The following FER1L6 variants were observed in gnomAD, a reference collection of about 807,000 sequenced individuals.
The protein encoded by FER1L6 is fer-1-like protein 6.
In FER1L6, 177 loss-of-function variants were observed where a neutral mutation model predicts 219.2. That is an observed-to-expected ratio of 0.81 (90% CI 0.71 to 0.91). FER1L6 has a LOEUF of 0.91. Ranked by LOEUF, FER1L6 falls within the 40% of genes least tolerant of loss-of-function variation. The pLI is 0.00. For missense variants in FER1L6, 2,153 were observed against 2,259.9 expected, an observed-to-expected ratio of 0.95 and a Z score of 0.96; for synonymous variants, 768 against 824.3, an observed-to-expected ratio of 0.93 and a Z score of 1.17.
intron 1 of FER1L6, among the ~76,000 whole-genome samples, chr8:123,870,323 G>A (rs570049930): frequency 1.3e-4 from 20 of 152,234 alleles, no homozygotes; most frequent in African/African-American, 3.9e-4. Flanking sequence ...TTTGAAAACC[G>A]ATGTCCACAG....
intron 18 of FER1L6, among the ~76,000 whole-genome samples, chr8:124,030,331 C>A (rs1363831414): frequency 6.6e-6 from 1 of 152,090 alleles, no homozygotes; most frequent in Admixed American, 6.6e-5. Context: ...GTTTTGCGGT[C>A]CCGGGTTGCA....
chr8:123,859,645 C>T (rs1163529181), intron 1 of FER1L6, among the ~76,000 whole-genome samples: 1 of 145,752 alleles, frequency 6.9e-6, no homozygotes, highest in African/African-American at 2.6e-5. Context: ...TGGTGCGCTG[C>T]ACCCACTAAC....
chr8:123,983,784 G>T (rs1308543374), intron 11 of FER1L6, among the ~76,000 whole-genome samples: 1 of 152,156 alleles, frequency 6.6e-6, no homozygotes, highest in Non-Finnish European at 1.5e-5. Flanking sequence ...ATGCAAATAT[G>T]CTCAGAACAG....
intron 1 of FER1L6, among the ~76,000 whole-genome samples, chr8:123,907,914 C>T (rs1389300182): frequency 6.6e-6 from 1 of 151,850 alleles, no homozygotes; most frequent in East Asian, 2.0e-4. Flanking sequence ...ACATTCACAA[C>T]AAATATGGTA....
intron 20 of FER1L6, among the ~76,000 whole-genome samples, chr8:124,044,469 T>C (rs1819635800): frequency 6.6e-6 from 1 of 152,140 alleles, no homozygotes; most frequent in African/African-American, 2.4e-5. Flanking sequence ...ACAGGGCAAA[T>C]GACTTAATGC....
chr8:124,094,934 G>T lies in FER1L6; in HGVS notation c.4591G>T (p.Val1531Phe). 3 of 1,614,098 alleles carry T rather than the reference G, an allele frequency of 1.9e-6. No individual in the cohort carries two copies. Among genetic ancestry groups the T allele is most frequent in the Non-Finnish European group, 2.5e-6 (3 of 1,179,948 alleles). ...GTCTTATGAACACCTGGCCCTCAAG[G>T]TTTTACACTCTTGGGAGGATATCCC... The part of the protein sequence containing the change: ...VESYEHLALK[V>F]LHSWEDIPEV... Residue 1531 changes from valine to phenylalanine, a missense_variant, in exon 35 of 41, where the codon GTT becomes TTT. Physicochemically the swap from Val to Phe is conservative, Grantham distance 50. Transcript: ENST00000522917.
rs202188240 is a variant in FER1L6 at position 124,101,156 on chromosome 8, C to T, written c.4943C>T (p.Thr1648Ile). 2 of 1,613,754 alleles carry T rather than the reference C, an allele frequency of 1.2e-6. No individual in the cohort carries two copies. Among genetic ancestry groups the T allele is most frequent in the Admixed American group, 1.7e-5 (1 of 59,972 alleles). The change falls in exon 38 of 41, where the codon ACT becomes ATT. Residue 1648 changes from threonine to isoleucine, a missense_variant. Physicochemically the swap from Thr to Ile is moderately conservative, Grantham distance 89. Transcript: ENST00000522917. Reference sequence around the variant, plus strand: ...ACAGATGTGCATTACAACTCCCTGACTGGAGAGGGCAACTTCAACTGGCGC... The same window carrying T: ...ACAGATGTGCATTACAACTCCCTGATTGGAGAGGGCAACTTCAACTGGCGC... ...QETDVHYNSL[T>I]GEGNFNWRFL...
At position 124,003,262 on chromosome 8, in the gene FER1L6, G is replaced by C. The variant is rs1780756691; in HGVS notation, c.1615G>C (p.Gly539Arg). Residue 539 changes from glycine to arginine, a missense_variant, in exon 13 of 41, where the codon GGG becomes CGG. Transcript: ENST00000522917. ...AGACCTCCTTCCACTGCTTCACGAAGGGCAAGGGGATGTGGCCCATGATGT... is the reference window on the plus strand; with the variant it reads ...AGACCTCCTTCCACTGCTTCACGAACGGCAAGGGGATGTGGCCCATGATGT... ...EEDLLPLLHE[G>R]QGDVAHDVPI... is the part of the protein sequence containing the mutation. The C allele has an allele frequency of 1.2e-6, 2 of 1,613,932 alleles. 1 individual carries two copies. Among genetic ancestry groups the C allele is most frequent in the African/African-American group, 2.7e-5 (2 of 74,878 alleles).
At chr8:124,017,490 A>G (rs1818251906) in intron 15 of FER1L6, 138 bp from the exon 16 acceptor site, 1 of 605,064 alleles carries the variant, frequency 1.7e-6, no homozygotes, top group Non-Finnish European at 2.9e-6. Flanking sequence ...ATAGTTGCTT[A>G]ATCCTAAATT....
chr8:124,065,123 G>A (rs1231408253), intron 26 of FER1L6, among the ~76,000 whole-genome samples: 1 of 152,144 alleles, frequency 6.6e-6, no homozygotes, highest in Non-Finnish European at 1.5e-5. Context: ...GCCGGGCATG[G>A]TGGCTCACAC....
chr8:123,867,318 C>T (rs1325383830), intron 1 of FER1L6, among the ~76,000 whole-genome samples: 2 of 152,194 alleles, frequency 1.3e-5, no homozygotes, highest in Non-Finnish European at 2.9e-5. Context: ...TGTGGTCCCA[C>T]ACAAAAAATA....
At position 124,062,014 on chromosome 8, in the gene FER1L6, G is replaced by A. The variant is rs2130831718; in HGVS notation, c.3310G>A (p.Gly1104Arg). The part of the protein sequence containing the change: ...EPLAPITQVD[G>R]TQPGHDISDS... ...CCTTGCCCCCATCACACAGGTGGATGGAACCCAGCCTGGGCACGGTGAGAA... is the reference window on the plus strand; with the variant it reads ...CCTTGCCCCCATCACACAGGTGGATAGAACCCAGCCTGGGCACGGTGAGAA... Residue 1104 changes from glycine (G) to arginine (R), a missense_variant, in exon 25 of 41, where the codon GGA becomes AGA. By Grantham distance (125) the Gly-to-Arg change is moderately radical. Transcript: ENST00000522917. The A allele has an allele frequency of 2.5e-6, 4 of 1,614,140 alleles. No homozygotes were observed. The highest frequency in any genetic ancestry group is 1.7e-4 in the Middle Eastern group (1 of 6,054).
chr8:123,861,451 A>C (rs1282160516), intron 1 of FER1L6, among the ~76,000 whole-genome samples: 1 of 145,514 alleles, frequency 6.9e-6, no homozygotes, highest in Non-Finnish European at 1.5e-5. Flanking sequence ...CTTAGGATTG[A>C]CTTGGCGATG....
chr8:123,958,485 G>T (rs1563707579), intron 2 of FER1L6, among the ~76,000 whole-genome samples: 15 of 152,030 alleles, frequency 9.9e-5, no homozygotes, highest in Admixed American at 9.2e-4. Flanking sequence ...TCCAGTAACT[G>T]CTCTCTCTCT....
At chr8:124,057,041 C>T (rs527787325) in intron 22 of FER1L6, among the ~76,000 whole-genome samples, 1 of 151,710 alleles carries the variant, frequency 6.6e-6, no homozygotes, top group Non-Finnish European at 1.5e-5. Context: ...GAGACTGTCT[C>T]AAAAAAACAA....
At chr8:124,088,667 G>T (rs1280212353) in intron 33 of FER1L6, among the ~76,000 whole-genome samples, 1 of 151,978 alleles carries the variant, frequency 6.6e-6, no homozygotes, top group Non-Finnish European at 1.5e-5. Flanking sequence ...AGTACTACCT[G>T]GCTCTCACTG....
At chr8:123,974,287 C>T (rs1026247319) in intron 7 of FER1L6, among the ~76,000 whole-genome samples, 3 of 152,120 alleles carry the variant, frequency 2.0e-5, no homozygotes, top group African/African-American at 7.2e-5. Flanking sequence ...GCTTGTGCTC[C>T]ATATACAAGG....
At position 124,101,326 on chromosome 8, in the gene FER1L6, G is replaced by A; in HGVS notation, c.5113G>A (p.Asp1705Asn). 2 of 1,613,156 alleles carry A rather than the reference G, an allele frequency of 1.2e-6. No individual in the cohort carries two copies. Among genetic ancestry groups the A allele is most frequent in the Non-Finnish European group, 1.7e-6 (2 of 1,179,252 alleles). The change falls in exon 38 of 41, where the codon GAT becomes AAT. Residue 1705 changes from aspartate (D) to asparagine (N), a missense_variant. Physicochemically the swap from Asp to Asn is conservative, Grantham distance 23 (BLOSUM62 1). Transcript: ENST00000522917. ...TTGGGATTTTGAAAGGCTGTCCTCA[G>A]ATGACTTCCTGGGTAAGCCAGTGGC... ...QVWDFERLSSDDFLGTLEMNL... is the reference protein window; with the variant it reads ...QVWDFERLSSNDFLGTLEMNL...
At chr8:124,077,543 G>T (rs879834111) in intron 32 of FER1L6, among the ~76,000 whole-genome samples, 4 of 152,160 alleles carry the variant, frequency 2.6e-5, no homozygotes, top group Non-Finnish European at 5.9e-5. Flanking sequence ...CAGTGCTGGG[G>T]AAACACCCTT....
Sources: gnomAD v4.1 joint callset for allele counts (sites outside exome capture counted in the v4.1 genomes callset) on GRCh38, gnomAD v4.1.1 for gene constraint, MANE v1.5 for transcripts, NCBI Gene and HGNC (gene_info 2026-07-23, HGNC 2026-07-21) for gene names.